The following EVC variants were observed in gnomAD, a reference collection of about 807,000 sequenced individuals.
EVC encodes EvC ciliary complex subunit 1, also known as evC complex member EVC.
Under a neutral mutation model 118.9 loss-of-function variants are expected in EVC, and 116 were observed. The observed-to-expected ratio is 0.98, with a 90% CI of 0.84 to 1.14. The LOEUF (loss-of-function observed/expected upper bound fraction) is 1.14, where lower values mean the gene tolerates loss of function less well. Among genes scored for constraint, EVC ranks in the 50% most tolerant of loss-of-function variants. The pLI, the probability that EVC is intolerant of heterozygous loss-of-function variation, is 0.00. For missense variants in EVC, 1,401 were observed against 1,246.4 expected (o/e 1.12, Z -1.87); for synonymous variants, 619 against 534.7 (o/e 1.16, Z -2.18).
intron 5 of EVC, among the ~76,000 whole-genome samples, chr4:5,736,809 C>T (rs139838793): frequency 1.2e-3 from 186 of 152,306 alleles, no homozygotes; most frequent in African/African-American, 4.2e-3. Flanking sequence ...CATTCCCTCT[C>T]CTTGGGCCTC....
At chr4:5,783,089 CGTGT>C (rs142165642) in intron 11 of EVC, among the ~76,000 whole-genome samples, 3 of 150,118 alleles carry the variant, frequency 2.0e-5, no homozygotes, top group Non-Finnish European at 3.0e-5. Context: ...TGCGTGTGTG[CGTGT>C]GTGTGTGTGT....
At chr4:5,727,304 G>A (rs369726985) in intron 2 of EVC, among the ~76,000 whole-genome samples, 2 of 152,174 alleles carry the variant, frequency 1.3e-5, no homozygotes, top group South Asian at 2.1e-4. Context: ...GTTTTGATGT[G>A]CATTTCTCTG....
In EVC at chr4:5,741,680, ACTTTT is replaced by A. The variant is rs751928020; in HGVS notation, c.703-30_703-26del. ...AAAAGACAAAAATACCATTGATTAA[ACTTTT>A]CTTTTGTTATCTTTCCTTTCTTGGC... On this transcript the variant is annotated intron_variant, in intron 5 of 20. Coordinates refer to ENST00000264956, the MANE Select transcript of EVC (RefSeq NM_153717.3). 7.0e-6 allele frequency: 9 copies of A among 1,284,546 alleles called. No homozygotes were observed. In the African/African-American group the frequency reaches 1.2e-4, roughly 17 times the overall value. The allele number at this position is 1,284,546 out of a possible 1,614,324, so 79.6% of individuals were successfully genotyped here.
chr4:5,798,637 A>G lies in EVC; in HGVS notation c.2149A>G (p.Thr717Ala). Residue 717 changes from threonine (T) to alanine (A), a missense_variant, in exon 15 of 21, where the codon ACA becomes GCA. Transcript: ENST00000264956. The surrounding 1 kb of genome is among the most constrained non-coding windows in gnomAD (Gnocchi z 4.1). ...ASRLEEEAQQ[T>A]RLQLQQRLLA... The stretch of plus-strand genomic sequence containing the variant: ...CCGGCTAGAGGAGGAAGCACAGCAG[A>G]CACGGCTGCAGCTCCAGCAGCGGCT... 6.3e-7 allele frequency: 1 copy of G among 1,591,182 alleles called. No homozygotes were observed. The highest frequency in any genetic ancestry group is 2.3e-5 in the East Asian group (1 of 43,684).
chr4:5,730,209 A>G (rs972058417), intron 3 of EVC, among the ~76,000 whole-genome samples: 2 of 152,146 alleles, frequency 1.3e-5, no homozygotes, highest in African/African-American at 4.8e-5. Flanking sequence ...GTTACACAAG[A>G]TAACATACAT....
chr4:5,790,351 T>A (rs1382227316), intron 12 of EVC, among the ~76,000 whole-genome samples: 1 of 152,182 alleles, frequency 6.6e-6, no homozygotes, highest in African/African-American at 2.4e-5. Flanking sequence ...GTGCAAGTGT[T>A]ATGAATCACA....
the EVC span, chr4:5,824,505 C>T: frequency 1.0e-6 from 1 of 984,602 alleles, no homozygotes; most frequent in South Asian, 4.7e-5. Context: ...TCTCTCTTTG[C>T]CCCTTCCACT....
rs933632579 is a variant in EVC, at chr4:5,749,612, C to G, written c.1098+1306C>G. Reference sequence around the variant, plus strand: ...TAGATGCTGAGTGACTCCTAACACCCCAGTCACCATTGGGTTCCTCTTGGT... The same window carrying G: ...TAGATGCTGAGTGACTCCTAACACCGCAGTCACCATTGGGTTCCTCTTGGT... On this transcript the variant is annotated intron_variant, in intron 8 of 20. Transcript: ENST00000264956. This position sits in a 1 kb window ranked among gnomAD's most constrained non-coding sequence, Gnocchi z 4.4. 4.6e-5 allele frequency among the ~76,000 whole-genome samples: 7 copies of G among 152,138 alleles called. No homozygotes were observed. Among genetic ancestry groups the G allele is most frequent in the African/African-American group, 1.7e-4 (7 of 41,438 alleles).
intron 5 of EVC, among the ~76,000 whole-genome samples, chr4:5,736,769 G>T (rs897469610): frequency 6.6e-6 from 1 of 152,170 alleles, no homozygotes; most frequent in African/African-American, 2.4e-5. Flanking sequence ...AATAAATGTT[G>T]TGTGTGTTCT....
In EVC at chr4:5,731,450, C is replaced by G; in HGVS notation, c.410C>G (p.Pro137Arg). 6.2e-7 allele frequency: 1 copy of G among 1,613,500 alleles called. No homozygotes were observed. The highest frequency in any genetic ancestry group is 8.5e-7 in the Non-Finnish European group (1 of 1,179,948). The change falls in exon 4 of 21, where the codon CCG (proline) becomes CGG (arginine). Residue 137 changes from proline (P) to arginine (R), a missense_variant. By Grantham distance (103) the Pro-to-Arg change is moderately radical. Transcript: ENST00000264956. The surrounding 1 kb of genome is among the most constrained non-coding windows in gnomAD (Gnocchi z 5.6). ...CCTCTGGCCGATGGCTCCTCCAACCCGTCTCTGCATGAAAACTTAAAGCAG... is the reference window on the plus strand; with the variant it reads ...CCTCTGGCCGATGGCTCCTCCAACCGGTCTCTGCATGAAAACTTAAAGCAG... Reference protein sequence around the residue: ...FRPLADGSSNPSLHENLKQAV... With the variant: ...FRPLADGSSNRSLHENLKQAV...
intron 16 of EVC, 110 bp downstream of exon 16, chr4:5,802,204 T>G (rs1216354373): frequency 2.1e-6 from 3 of 1,438,814 alleles, no homozygotes; most frequent in Non-Finnish European, 2.9e-6. Context: ...GGGAATATAA[T>G]TATTTCAGTG....
At chr4:5,777,968 C>T (rs1178093982) in intron 11 of EVC, among the ~76,000 whole-genome samples, 2 of 151,714 alleles carry the variant, frequency 1.3e-5, no homozygotes, top group Non-Finnish European at 2.9e-5. Flanking sequence ...AGGTATATCT[C>T]CCAGTGCTAT....
At chr4:5,745,374 T>C (rs1729213426) in intron 7 of EVC, 33 bp downstream of exon 7, 1 of 1,604,418 alleles carries the variant, frequency 6.2e-7, no homozygotes, top group Non-Finnish European at 8.5e-7. Context: ...TGTACACAAA[T>C]TTTGGTTCCT....
the EVC span, chr4:5,828,191 C>T: frequency 2.1e-3 from 2,108 of 985,384 alleles, 35 homozygotes; most frequent in African/African-American, 0.034. Context: ...CTTAAGATGA[C>T]GCAGGACAGC....
chr4:5,790,575 G>A (rs1471252737), intron 12 of EVC, among the ~76,000 whole-genome samples: 4 of 152,164 alleles, frequency 2.6e-5, no homozygotes, highest in Non-Finnish European at 2.9e-5. Flanking sequence ...ATGTGAGATC[G>A]TCAGGGAGGA....
intron 1 of EVC, among the ~76,000 whole-genome samples, chr4:5,717,587 C>CA (rs1238221785): frequency 2.0e-5 from 3 of 152,172 alleles, no homozygotes; most frequent in African/African-American, 7.2e-5. Context: ...AACAACCCCC[C>CA]AAATCTCTGG....
At chr4:5,817,822 G>A (rs1717938197), downstream of EVC, among the ~76,000 whole-genome samples, 1 of 152,134 alleles carries the variant, frequency 6.6e-6, no homozygotes, top group Non-Finnish European at 1.5e-5. Context: ...TGATCAAGGT[G>A]GCCAGACCAA....
chr4:5,716,384 A>C (rs76067569), intron 1 of EVC, among the ~76,000 whole-genome samples: 4 of 152,214 alleles, frequency 2.6e-5, no homozygotes, highest in Non-Finnish European at 5.9e-5. Flanking sequence ...CTGATTTGCA[A>C]TTTTGTGAAG....
chr4:5,747,425 CT>C (rs1729530164), intron 7 of EVC, among the ~76,000 whole-genome samples: 1 of 152,178 alleles, frequency 6.6e-6, no homozygotes, highest in Non-Finnish European at 1.5e-5. Context: ...GACAAGTGAC[CT>C]AACTCCCCCG....
Sources: gnomAD v4.1 joint callset for allele counts (sites outside exome capture counted in the v4.1 genomes callset) on GRCh38, gnomAD v4.1.1 for gene constraint, Gnocchi (gnomAD v3.1) non-coding constraint, MANE v1.5 for transcripts, NCBI Gene and HGNC (gene_info 2026-07-23, HGNC 2026-07-21) for gene names.